The following PALM2AKAP2 variants were observed in gnomAD, a reference collection of about 807,000 sequenced individuals.
The protein encoded by PALM2AKAP2 is PALM2-AKAP2 fusion protein.
Under a neutral mutation model 71.5 loss-of-function variants are expected in PALM2AKAP2, and 37 were observed. The observed-to-expected ratio is 0.52, with a 90% CI of 0.40 to 0.68. The LOEUF is 0.68. Ranked by LOEUF, PALM2AKAP2 falls within the 30% of genes least tolerant of loss-of-function variation. The pLI is 0.00. For synonymous variants in PALM2AKAP2, 468 were observed against 478.8 expected, an observed-to-expected ratio of 0.98 and a Z score of 0.29; for missense variants, 1,224 against 1,191.8, an observed-to-expected ratio of 1.03 and a Z score of -0.40.
rs560096423 is a variant in PALM2AKAP2 at position 109,885,760 on chromosome 9, G to A, written c.257+5079G>A. 7.4e-4 allele frequency among the ~76,000 whole-genome samples: 112 copies of A among 152,228 alleles called. 5 individuals carry two copies. Among genetic ancestry groups the A allele is most frequent in the Middle Eastern group, 3.4e-3 (1 of 294 alleles). ...TAGAGCTGAAGTCTCTCCTCCATAG[G>A]CCCCACAGTAGAGCTAAGCTTTCAT... On this transcript the variant is annotated intron_variant, in intron 3 of 9. Coordinates refer to the PALM2AKAP2 transcript ENST00000302798.
intron 1 of PALM2AKAP2, among the ~76,000 whole-genome samples, chr9:109,793,628 C>T (rs1827175698): frequency 6.6e-6 from 1 of 152,214 alleles, no homozygotes; most frequent in African/African-American, 2.4e-5. Context: ...ATAGCAGCTT[C>T]AGAATGAAAA....
chr9:109,772,264 C>T (rs1000891060), intron 1 of PALM2AKAP2, among the ~76,000 whole-genome samples: 1 of 152,148 alleles, frequency 6.6e-6, no homozygotes, highest in Non-Finnish European at 1.5e-5. Context: ...GGCTACCTTC[C>T]ATGTGCTGGC....
At position 109,909,650 on chromosome 9, in the gene PALM2AKAP2, T is replaced by C. The variant is rs901857256; in HGVS notation, c.258-14085T>C. 2.6e-5 allele frequency among the ~76,000 whole-genome samples: 4 copies of C among 152,116 alleles called. No individual in the cohort carries two copies. The East Asian group carries it at 7.7e-4, about 29-fold the overall frequency. The stretch of plus-strand genomic sequence containing the variant: ...AAATACAGTGGGATAAAGTTGGTGG[T>C]AGAAATATGTCCATGAGATATGGCA... On this transcript the variant is annotated intron_variant, in intron 3 of 9. Transcript: ENST00000302798.
intron 6 of PALM2AKAP2, among the ~76,000 whole-genome samples, chr9:110,007,348 A>T (rs566252096): frequency 1.3e-5 from 2 of 152,220 alleles, no homozygotes; most frequent in African/African-American, 4.8e-5. Flanking sequence ...ATTCTAAATG[A>T]TACAGTATGA....
At chr9:109,935,094 T>C (rs1831192058) in intron 6 of PALM2AKAP2, among the ~76,000 whole-genome samples, 1 of 152,214 alleles carries the variant, frequency 6.6e-6, no homozygotes, top group African/African-American at 2.4e-5. Context: ...GCGCAGTTCC[T>C]CCATCCTCAT....
chr9:110,156,942 A>C (rs1836473023), intron 3 of PALM2AKAP2, among the ~76,000 whole-genome samples: 1 of 152,194 alleles, frequency 6.6e-6, no homozygotes, highest in African/African-American at 2.4e-5. Flanking sequence ...AATCCCTAAC[A>C]ATGTTACAGT....
upstream of PALM2AKAP2, among the ~76,000 whole-genome samples, chr9:109,779,392 G>A (rs962353090): frequency 9.9e-5 from 15 of 152,208 alleles, no homozygotes; most frequent in African/African-American, 3.6e-4. Context: ...CAGATGCAAT[G>A]AACAGAAGAC....
In PALM2AKAP2 at chr9:109,984,897, G is replaced by A. The variant is rs148100351; in HGVS notation, c.497-31057G>A. Among the ~76,000 whole-genome samples the A allele has an allele frequency of 4.8e-3, 727 of 151,536 alleles. 10 individuals are homozygous for A. The highest frequency in any genetic ancestry group is 0.017 in the African/African-American group (694 of 41,262). On this transcript the variant is annotated intron_variant, in intron 6 of 9. Coordinates refer to the PALM2AKAP2 transcript ENST00000302798. Reference sequence around the variant, plus strand: ...CTTAGAAAAAAATTTTAAAAAGGCCGGGCGTGGTGGCTCACGCCTGTAATC... The same window carrying A: ...CTTAGAAAAAAATTTTAAAAAGGCCAGGCGTGGTGGCTCACGCCTGTAATC...
chr9:109,775,915 G>A (rs368700299), upstream of PALM2AKAP2, among the ~76,000 whole-genome samples: 3 of 152,108 alleles, frequency 2.0e-5, no homozygotes, highest in East Asian at 3.9e-4. Context: ...TATCCTTTTC[G>A]TATAATGCTT....
intron 6 of PALM2AKAP2, among the ~76,000 whole-genome samples, chr9:109,974,188 G>A (rs1001513124): frequency 6.6e-6 from 1 of 152,226 alleles, no homozygotes; most frequent in African/African-American, 2.4e-5. Context: ...CTGGAGGACT[G>A]GGTCACATGG....
chr9:109,967,291 T>G (rs943080352), intron 6 of PALM2AKAP2, among the ~76,000 whole-genome samples: 1 of 152,174 alleles, frequency 6.6e-6, no homozygotes, highest in African/African-American at 2.4e-5. Context: ...GCAGAAGATG[T>G]ATTACCTTTT....
intron 6 of PALM2AKAP2, among the ~76,000 whole-genome samples, chr9:109,980,335 C>T (rs1358313061): frequency 1.3e-5 from 2 of 152,152 alleles, no homozygotes; most frequent in East Asian, 3.8e-4. Context: ...CAGATGACCT[C>T]CAAATGCATC....
At chr9:109,660,019 G>T (rs1183220433) in intron 1 of PALM2AKAP2, among the ~76,000 whole-genome samples, 2 of 151,544 alleles carry the variant, frequency 1.3e-5, no homozygotes, top group Non-Finnish European at 2.9e-5. Context: ...TTTTTGTAGA[G>T]ATGGTGGTCT....
At chr9:109,797,614 T>A (rs1033793120) in intron 1 of PALM2AKAP2, among the ~76,000 whole-genome samples, 1 of 152,178 alleles carries the variant, frequency 6.6e-6, no homozygotes. Flanking sequence ...TTCAAGCAGC[T>A]CTGCAGAAGC....
At chr9:109,781,540 G>C (rs939238162) in intron 1 of PALM2AKAP2, among the ~76,000 whole-genome samples, 2 of 152,174 alleles carry the variant, frequency 1.3e-5, no homozygotes, top group Admixed American at 1.3e-4. Flanking sequence ...GTAATGTTTT[G>C]GAACCAAAGT....
At chr9:109,810,197 G>C (rs1243473802) in intron 1 of PALM2AKAP2, among the ~76,000 whole-genome samples, 1 of 152,192 alleles carries the variant, frequency 6.6e-6, no homozygotes, top group Non-Finnish European at 1.5e-5. Context: ...GTCTGGGCTG[G>C]CTGTATAAAG....
At chr9:110,025,816 T>C (rs551458660) in intron 7 of PALM2AKAP2, among the ~76,000 whole-genome samples, 1 of 152,340 alleles carries the variant, frequency 6.6e-6, no homozygotes, top group Admixed American at 6.5e-5. Context: ...CATGTGCTTA[T>C]TGGCTATTTG....
intron 5 of PALM2AKAP2, among the ~76,000 whole-genome samples, chr9:109,931,393 G>T (rs898687989): frequency 1.6e-4 from 24 of 152,198 alleles, no homozygotes; most frequent in African/African-American, 4.8e-5. Context: ...GATCAATTCT[G>T]AAGTCTGTTT....
At chr9:109,666,111 G>A (rs1827480147) in intron 1 of PALM2AKAP2, among the ~76,000 whole-genome samples, 1 of 152,202 alleles carries the variant, frequency 6.6e-6, no homozygotes, top group Admixed American at 6.5e-5. Flanking sequence ...CCCTTGGCTA[G>A]GAAAGGGAAA....
Sources: allele counts gnomAD v4.1 joint callset (sites outside exome capture counted in the v4.1 genomes callset), GRCh38; gene constraint gnomAD v4.1.1; transcripts MANE v1.5; gene names NCBI Gene and HGNC (gene_info 2026-07-23, HGNC 2026-07-21).